BNC2: variants seen among roughly 807,000 people sequenced by gnomAD.
The protein encoded by BNC2 is basonuclin zinc finger protein 2.
Under a neutral mutation model 76.3 loss-of-function variants are expected in BNC2, and 20 were observed. The observed-to-expected ratio is 0.26, with a 90% confidence interval of 0.18 to 0.38. The LOEUF (loss-of-function observed/expected upper bound fraction) is 0.38, where lower values mean the gene tolerates loss of function less well. Ranked by LOEUF, BNC2 falls within the 10% of genes least tolerant of loss-of-function variation. BNC2 has a pLI of 1.00. For synonymous variants in BNC2, 582 were observed against 514.8 expected (o/e 1.13, Z -1.77); for missense variants, 1,382 against 1,399.8 (o/e 0.99, Z 0.20).
intron 5 of BNC2, among the ~76,000 whole-genome samples, chr9:16,488,244 T>A (rs1339691390): frequency 6.6e-6 from 1 of 152,184 alleles, no homozygotes; most frequent in Non-Finnish European, 1.5e-5. Flanking sequence ...CAACGTACTA[T>A]ATCTTGATAT....
chr9:16,436,438 G>C lies in BNC2; in HGVS notation c.1756C>G (p.Pro586Ala). Residue 586 changes from proline to alanine, a missense_variant, in exon 6 of 7, where the codon CCA becomes GCA. This residue lies in a region of BNC2 where 798 missense variants were observed against 775.5 expected (regional missense o/e 1.03). Coordinates refer to ENST00000380672, the MANE Select transcript of BNC2 (RefSeq NM_017637.6). ...ATGGGACTGGTTGGGAGGGAGGTTG[G>C]AGGACTCACCATTTCCCCTGGAGTG... is the stretch of plus-strand genomic sequence containing the variant. ...LLTPGEMVSP[P>A]TSLPTSPIIP... The C allele has an allele frequency of 1.2e-6, 2 of 1,614,062 alleles. No homozygotes were observed. The highest frequency in any genetic ancestry group is 1.7e-6 in the Non-Finnish European group (2 of 1,180,008).
intron 1 of BNC2, among the ~76,000 whole-genome samples, chr9:16,865,317 A>G (rs1819518310): frequency 6.6e-6 from 1 of 152,116 alleles, no homozygotes; most frequent in African/African-American, 2.4e-5. Flanking sequence ...TGCCTTCCTT[A>G]TGGAAGAATT....
rs16934624 is a variant in BNC2, at chr9:16,415,304, G to C, written c.*3685C>G. 1 of 152,398 alleles carries C rather than the reference G, an allele frequency of 6.6e-6. No homozygotes were observed. Among genetic ancestry groups the C allele is most frequent in the East Asian group, 1.9e-4 (1 of 5,190 alleles). 9.4% of individuals were successfully genotyped at this position (152,398 alleles called of 1,614,324 possible). A position where few individuals can be genotyped will look rare whatever the true frequency, so the allele number is the denominator to read the frequency against. On this transcript the variant is annotated 3_prime_UTR_variant, in exon 7 of 7. Coordinates refer to ENST00000380672, the MANE Select transcript of BNC2 (RefSeq NM_017637.6). ...CTTTCCATAGCATGCAGATATTCCCGAAAGCGGACTAAACCTGATATTTAC... is the reference window on the plus strand; with the variant it reads ...CTTTCCATAGCATGCAGATATTCCCCAAAGCGGACTAAACCTGATATTTAC...
chr9:16,604,861 T>G (rs77758719), intron 3 of BNC2, among the ~76,000 whole-genome samples: 3,851 of 152,200 alleles, frequency 0.025, 115 homozygotes, highest in South Asian at 0.17. Context: ...CTATGTGAAT[T>G]TTACTTCAAT....
intron 5 of BNC2, among the ~76,000 whole-genome samples, chr9:16,514,263 C>T (rs922057279): frequency 6.6e-6 from 1 of 152,188 alleles, no homozygotes; most frequent in East Asian, 1.9e-4. Context: ...AGGTTTCAAA[C>T]CAAATTTTCA....
chr9:16,776,949 AACC>A (rs1435318911), intron 1 of BNC2, among the ~76,000 whole-genome samples: 1 of 151,988 alleles, frequency 6.6e-6, no homozygotes, highest in Non-Finnish European at 1.5e-5. Flanking sequence ...AACATGGCAA[AACC>A]CCATCTCTAC....
chr9:16,629,927 G>C (rs1821111701), intron 3 of BNC2, among the ~76,000 whole-genome samples: 1 of 152,280 alleles, frequency 6.6e-6, no homozygotes, highest in East Asian at 1.9e-4. Flanking sequence ...TCATAAAATA[G>C]ACGGTTTGCC....
intron 3 of BNC2, among the ~76,000 whole-genome samples, chr9:16,589,583 A>G (rs1361385259): frequency 2.0e-5 from 3 of 152,006 alleles, no homozygotes; most frequent in South Asian, 4.2e-4. Flanking sequence ...ATCTCAGCTC[A>G]CTGCAACCTC....
chr9:16,547,373 A>G (rs1398003561), intron 5 of BNC2, among the ~76,000 whole-genome samples: 3 of 152,236 alleles, frequency 2.0e-5, no homozygotes, highest in Non-Finnish European at 4.4e-5. Flanking sequence ...GCCTTTTGAC[A>G]AACTGAAGTT....
intron 1 of BNC2, among the ~76,000 whole-genome samples, chr9:16,820,919 A>C (rs2135942905): frequency 6.6e-6 from 1 of 152,256 alleles, no homozygotes; most frequent in African/African-American, 2.4e-5. Flanking sequence ...AAAAGGATTC[A>C]AGTAGGCCAG....
intron 5 of BNC2, among the ~76,000 whole-genome samples, chr9:16,446,511 T>C (rs1292210186): frequency 6.6e-6 from 1 of 152,112 alleles, no homozygotes; most frequent in Non-Finnish European, 1.5e-5. Flanking sequence ...AAAGGATATA[T>C]TTTTAAAAGA....
intron 3 of BNC2, among the ~76,000 whole-genome samples, chr9:16,671,197 A>C (rs951200303): frequency 1.3e-5 from 2 of 152,124 alleles, no homozygotes; most frequent in African/African-American, 4.8e-5. Context: ...CCCTAAACAA[A>C]ATGCCTTCAT....
intron 3 of BNC2, among the ~76,000 whole-genome samples, chr9:16,673,723 C>A (rs776464602): frequency 1.3e-5 from 2 of 152,170 alleles, no homozygotes; most frequent in Non-Finnish European, 2.9e-5. Flanking sequence ...TGATTTATAT[C>A]TTTGACTGTT....
At chr9:16,822,140 C>T (rs932380074) in intron 1 of BNC2, among the ~76,000 whole-genome samples, 4 of 150,544 alleles carry the variant, frequency 2.7e-5, no homozygotes, top group Non-Finnish European at 4.4e-5. Flanking sequence ...GTGACATGCC[C>T]GTAATCCCAG....
chr9:16,771,116 C>T (rs1825821587), intron 1 of BNC2, among the ~76,000 whole-genome samples: 1 of 152,136 alleles, frequency 6.6e-6, no homozygotes, highest in Non-Finnish European at 1.5e-5. Context: ...TTGCAGCGAG[C>T]CAAGATCACA....
At position 16,745,575 on chromosome 9, in the gene BNC2, T is replaced by C. The variant is rs374062394; in HGVS notation, c.4-7090A>G. Among the ~76,000 whole-genome samples the C allele has an allele frequency of 2.2e-4, 34 of 152,320 alleles. No homozygotes were observed. In the East Asian group the frequency reaches 4.1e-3, roughly 18 times the overall value. ...AATTCCTTTACTTGCCTGGCCACTA[T>C]TGCCATCTAAGTTCATGATGCCTGG... On this transcript the variant is annotated intron_variant, in intron 1 of 6. Transcript: ENST00000380672.
At chr9:16,819,852 T>C (rs1180398011) in intron 1 of BNC2, among the ~76,000 whole-genome samples, 2 of 151,714 alleles carry the variant, frequency 1.3e-5, no homozygotes, top group Non-Finnish European at 2.9e-5. Flanking sequence ...AGGCCAGGTG[T>C]AGTGGCTCAT....
At position 16,713,827 on chromosome 9, in the gene BNC2, C is replaced by A. The variant is rs1823920398; in HGVS notation, c.330+13970G>T. ...GGTGCCCTCATGCTTCTAATCCCAG[C>A]ACTTTGGGAGGCTGAGGTGGGCAGA... is the stretch of plus-strand genomic sequence containing the variant. On this transcript the variant is annotated intron_variant, in intron 3 of 6. Coordinates refer to ENST00000380672, the MANE Select transcript of BNC2 (RefSeq NM_017637.6). Among the ~76,000 whole-genome samples, 4 of 152,184 alleles carry A rather than the reference C, an allele frequency of 2.6e-5. No homozygotes were observed. The South Asian group carries it at 8.3e-4, about 32-fold the overall frequency.
intron 5 of BNC2, 129 bp downstream of exon 5, chr9:16,552,401 G>T (rs1157556364): frequency 2.6e-6 from 2 of 782,482 alleles, no homozygotes; most frequent in African/African-American, 1.7e-5. Context: ...TCCCTGACAA[G>T]CCTGCTGAAA....
Sources: gnomAD v4.1 joint callset for allele counts (sites outside exome capture counted in the v4.1 genomes callset) on GRCh38, gnomAD v4.1.1 for gene constraint, gnomAD v4.1.1 regional missense constraint, MANE v1.5 for transcripts, NCBI Gene and HGNC (gene_info 2026-07-23, HGNC 2026-07-21) for gene names.